The following ITIH5 variants were observed in gnomAD, a reference collection of about 807,000 sequenced individuals.
The protein encoded by ITIH5 is inter-alpha-trypsin inhibitor heavy chain H5.
Under a neutral mutation model 77.5 loss-of-function variants are expected in ITIH5, and 65 were observed. That is an observed-to-expected ratio of 0.84 (90% confidence interval 0.69 to 1.03). The LOEUF (loss-of-function observed/expected upper bound fraction) is 1.03, where lower values mean the gene tolerates loss of function less well. Ranked by LOEUF, ITIH5 falls within the 50% of genes least tolerant of loss-of-function variation. ITIH5 has a pLI of 0.00. For missense variants in ITIH5, 1,208 were observed against 1,213.1 expected (o/e 1.00, Z 0.06); for synonymous variants, 525 against 494.3 (o/e 1.06, Z -0.82).
intron 9 of ITIH5, among the ~76,000 whole-genome samples, chr10:7,577,399 C>A (rs780192083): frequency 1.3e-4 from 20 of 152,204 alleles, no homozygotes; most frequent in Non-Finnish European, 2.5e-4. Flanking sequence ...CAATGCTGTG[C>A]ATTCCTTTAA....
Position 7,644,807 on chromosome 10 carries a change from TCA to T in ITIH5, c.136-2719_136-2718del, listed in dbSNP as rs1414242515. On this transcript the variant is annotated intron_variant, in intron 2 of 13. Coordinates refer to ENST00000397146, the MANE Select transcript of ITIH5 (RefSeq NM_030569.7). ...ATATATATCATATATATCATATATATCACATATATATCATATATATCACATAT... is the reference window on the plus strand; with the variant it reads ...ATATATATCATATATATCATATATATCATATATATCATATATATCACATAT... Among the ~76,000 whole-genome samples the T allele has an allele frequency of 7.1e-4, 80 of 112,484 alleles. 1 individual carries two copies. The highest frequency in any genetic ancestry group is 1.1e-3 in the Non-Finnish European group (57 of 54,042). The allele number at this position is 112,484 out of a possible 152,430, so 73.8% of individuals were successfully genotyped here. A position where few individuals can be genotyped will look rare whatever the true frequency, so the allele number is the denominator to read the frequency against.
chr10:7,644,903 ATATATAT>A, intron 2 of ITIH5, among the ~76,000 whole-genome samples: 1 of 38,194 alleles, frequency 2.6e-5, no homozygotes, highest in East Asian at 9.8e-4. Flanking sequence ...TATATCACAT[ATATATAT>A]CACATATATA....
chr10:7,617,041 T>C (rs572571423), intron 6 of ITIH5, 72 bp downstream of exon 6: 6 of 921,966 alleles, frequency 6.5e-6, no homozygotes, highest in Admixed American at 3.0e-5. Context: ...TAGGTAAATA[T>C]TGGGATCCAC....
intron 2 of ITIH5, among the ~76,000 whole-genome samples, chr10:7,644,333 T>C (rs779489446): frequency 1.5e-4 from 22 of 147,370 alleles, no homozygotes; most frequent in Admixed American, 2.7e-4. Flanking sequence ...ATATCACATA[T>C]ATATCACATA....
rs1588437469 is a variant in ITIH5, at chr10:7,666,815, G to C, written c.78C>G (p.His26Gln). The stretch of plus-strand genomic sequence containing the variant: ...CGGCTCCACTTACCTGCTCCGAAGA[G>C]TGGCCCCAGCTCTGCGCCTCTTCCT... ...GSQEEAQSWG[H>Q]SSEQDGLRVP... The change falls in exon 1 of 14, where the codon CAC becomes CAG. Residue 26 changes from histidine to glutamine, a missense_variant. Transcript: ENST00000397146. The C allele has an allele frequency of 1.2e-6, 2 of 1,607,886 alleles. No homozygotes were observed. The highest frequency in any genetic ancestry group is 1.7e-6 in the Non-Finnish European group (2 of 1,177,734).
intron 7 of ITIH5, among the ~76,000 whole-genome samples, chr10:7,593,223 T>C (rs1396769926): frequency 6.6e-6 from 1 of 152,064 alleles, no homozygotes; most frequent in African/African-American, 2.4e-5. Flanking sequence ...CAACTTGTCC[T>C]TGCGTGCACC....
chr10:7,594,962 C>T (rs1440844563), intron 7 of ITIH5, among the ~76,000 whole-genome samples: 2 of 152,212 alleles, frequency 1.3e-5, no homozygotes, highest in East Asian at 1.9e-4. Context: ...CTGGGGGGTC[C>T]GTGCCAGTTC....
At chr10:7,596,202 T>C (rs1025064381) in intron 7 of ITIH5, among the ~76,000 whole-genome samples, 7 of 152,148 alleles carry the variant, frequency 4.6e-5, no homozygotes, top group Non-Finnish European at 7.3e-5. Flanking sequence ...AGATAGGGTC[T>C]TCCTTTCTCT....
chr10:7,662,834 A>G (rs929794659), intron 1 of ITIH5, among the ~76,000 whole-genome samples: 1 of 152,176 alleles, frequency 6.6e-6, no homozygotes, highest in African/African-American at 2.4e-5. Context: ...TTGAATGGCC[A>G]GAAGCTTACA....
intron 5 of ITIH5, among the ~76,000 whole-genome samples, chr10:7,629,132 A>AGCATGTGTCCATGTTGTG (rs1564269459): frequency 9.3e-6 from 1 of 107,068 alleles, no homozygotes; most frequent in South Asian, 3.4e-4. Context: ...TCCGTGTTGT[A>AGCATGTGTCCATGTTGTG]GCATGTGTCC....
intron 2 of ITIH5, among the ~76,000 whole-genome samples, chr10:7,644,900 C>CAT (rs200933857): frequency 0.51 from 28,611 of 55,664 alleles, 6,052 homozygotes; most frequent in Admixed American, 0.62. Flanking sequence ...ATATATATCA[C>CAT]ATATATATAT....
At chr10:7,568,746 G>A (rs1391970186) in intron 12 of ITIH5, among the ~76,000 whole-genome samples, 10 of 152,204 alleles carry the variant, frequency 6.6e-5, no homozygotes, top group Non-Finnish European at 1.0e-4. Context: ...TACCTGCATC[G>A]AACTTGAAAA....
At chr10:7,648,191 C>T (rs1273958052) in intron 2 of ITIH5, among the ~76,000 whole-genome samples, 2 of 150,994 alleles carry the variant, frequency 1.3e-5, no homozygotes, top group African/African-American at 4.9e-5. Context: ...TTCCAGTGAG[C>T]GGAGATCACA....
At chr10:7,662,287 G>A (rs527613247) in intron 1 of ITIH5, among the ~76,000 whole-genome samples, 2 of 152,168 alleles carry the variant, frequency 1.3e-5, no homozygotes, top group South Asian at 4.2e-4. Context: ...AATCCGGGAG[G>A]CGGAGGTTGC....
At chr10:7,570,648 G>A (rs1307957145) in intron 11 of ITIH5, among the ~76,000 whole-genome samples, 1 of 151,958 alleles carries the variant, frequency 6.6e-6, no homozygotes, top group East Asian at 1.9e-4. Flanking sequence ...TTTGAGACAG[G>A]GTCCCACTCT....
chr10:7,638,892 G>A (rs1833841228), intron 4 of ITIH5, among the ~76,000 whole-genome samples: 1 of 152,194 alleles, frequency 6.6e-6, no homozygotes, highest in South Asian at 2.1e-4. Context: ...GGATGTCACT[G>A]CTTGCAGAAA....
intron 7 of ITIH5, among the ~76,000 whole-genome samples, chr10:7,611,519 G>A (rs1304664024): frequency 2.0e-5 from 3 of 147,060 alleles, no homozygotes; most frequent in East Asian, 2.0e-4. Context: ...ATTGGACTAG[G>A]TTTGAGGTTA....
Position 7,573,150 on chromosome 10 carries a change from T to C in ITIH5, c.2024A>G (p.Lys675Arg). The part of the protein sequence containing the change: ...KPYQPRIKIS[K>R]TSVDGDPHFV... ...CGCATCCTTTGCTTTACCTGATGTT[T>C]TAGAGATTTTAATTCTTGGCTGGTA... Residue 675 changes from lysine (K) to arginine (R), a missense_variant, in exon 11 of 14, where the codon AAA becomes AGA. Coordinates refer to ENST00000397146, the MANE Select transcript of ITIH5 (RefSeq NM_030569.7). The C allele has an allele frequency of 6.2e-7, 1 of 1,613,632 alleles. No homozygotes were observed. The highest frequency in any genetic ancestry group is 2.2e-5 in the East Asian group (1 of 44,870).
intron 11 of ITIH5, chr10:7,572,508 G>C: frequency 3.2e-6 from 4 of 1,239,124 alleles, no homozygotes; most frequent in Non-Finnish European, 3.1e-6. Context: ...TGCATGCTCC[G>C]GATCTCTAAA....
Sources: allele counts gnomAD v4.1 joint callset (sites outside exome capture counted in the v4.1 genomes callset), GRCh38; gene constraint gnomAD v4.1.1; transcripts MANE v1.5; gene names NCBI Gene and HGNC (gene_info 2026-07-23, HGNC 2026-07-21).